The following ADGRL3 variants were observed in gnomAD, a reference collection of about 807,000 sequenced individuals.
ADGRL3 encodes the protein calcium-independent alpha-latrotoxin receptor 3.
ADGRL3 carries 62 observed loss-of-function variants against 153.5 expected under a neutral mutation model. That is an observed-to-expected ratio of 0.40 (90% CI 0.33 to 0.50). The LOEUF is 0.50. Ranked by LOEUF, ADGRL3 falls within the 20% of genes least tolerant of loss-of-function variation. ADGRL3 has a pLI of 0.47. For missense variants in ADGRL3, 1,641 were observed against 1,859.4 expected (o/e 0.88, Z 2.16); for synonymous variants, 710 against 672.5 (o/e 1.06, Z -0.86).
At chr4:61,383,807 AT>A (rs1278231012) in intron 2 of ADGRL3, among the ~76,000 whole-genome samples, 1 of 151,836 alleles carries the variant, frequency 6.6e-6, no homozygotes, top group African/African-American at 2.4e-5. Flanking sequence ...CAATATCCAT[AT>A]TTACATCTTC....
At chr4:61,682,298 G>A (rs968078211) in intron 6 of ADGRL3, among the ~76,000 whole-genome samples, 51 of 151,756 alleles carry the variant, frequency 3.4e-4, no homozygotes, top group African/African-American at 1.2e-3. Flanking sequence ...TTTATAACAA[G>A]AGCAACAAAA....
intron 9 of ADGRL3, among the ~76,000 whole-genome samples, chr4:61,890,231 T>G (rs923739924): frequency 6.6e-6 from 1 of 152,154 alleles, no homozygotes; most frequent in African/African-American, 2.4e-5. Context: ...AAATTAAAAG[T>G]TGCTCAAAAC....
intron 21 of ADGRL3, among the ~76,000 whole-genome samples, chr4:62,016,933 C>CT (rs1023953125): frequency 2.6e-5 from 4 of 151,718 alleles, no homozygotes; most frequent in Non-Finnish European, 4.4e-5. Flanking sequence ...TATATAGATT[C>CT]TTTTTGTTTT....
At position 61,406,186 on chromosome 4, in the gene ADGRL3, TA is replaced by T. The variant is rs545784413; in HGVS notation, c.-174+23008del. ...TAAAGATAGATGAGAAAACTGAGGATAAAAAAAAAAATTGTGGAATATCACA... is the reference window on the plus strand; with the variant it reads ...TAAAGATAGATGAGAAAACTGAGGATAAAAAAAAAATTGTGGAATATCACA... On this transcript the variant is annotated intron_variant, in intron 2 of 26. Coordinates refer to ENST00000683033, the MANE Select transcript of ADGRL3 (RefSeq NM_001387552.1). Among the ~76,000 whole-genome samples the T allele has an allele frequency of 6.7e-3, 979 of 145,704 alleles. 5 individuals carry two copies. The highest frequency in any genetic ancestry group is 8.7e-3 in the Non-Finnish European group (572 of 65,702).
At chr4:61,952,629 T>C (rs1297515317) in intron 17 of ADGRL3, among the ~76,000 whole-genome samples, 2 of 152,186 alleles carry the variant, frequency 1.3e-5, no homozygotes, top group Non-Finnish European at 2.9e-5. Context: ...AGTTTAAATT[T>C]TGATGTTCGA....
chr4:62,026,943 T>G (rs1718984694), intron 21 of ADGRL3, among the ~76,000 whole-genome samples: 1 of 152,066 alleles, frequency 6.6e-6, no homozygotes. Flanking sequence ...CATAATGAAA[T>G]GTATTTAAAA....
chr4:61,892,576 C>G, intron 9 of ADGRL3, 80 bp from the exon 10 acceptor site: 6 of 1,018,182 alleles, frequency 5.9e-6, no homozygotes, highest in Non-Finnish European at 9.0e-6. Flanking sequence ...CAAATAAAAA[C>G]AATTTCTAAA....
Position 61,520,682 on chromosome 4 carries a change from G to GTGTGTGTGTCTGTC in ADGRL3, c.259+3167_259+3168insGTGTGTCTGTCTGT, listed in dbSNP as rs763505931. On this transcript the variant is annotated intron_variant, in intron 4 of 26. Coordinates refer to ENST00000683033, the MANE Select transcript of ADGRL3 (RefSeq NM_001387552.1). ...TGTGTGTGTGTGTGTGTGTGTGTGT[G>GTGTGTGTGTCTGTC]TGTCTGTCTGTCTGTCTGTCTGAGG... Among the ~76,000 whole-genome samples, 6 of 123,580 alleles carry GTGTGTGTGTCTGTC rather than the reference G, an allele frequency of 4.9e-5. No homozygotes were observed. In the South Asian group the frequency reaches 1.0e-3, roughly 21 times the overall value. The allele number at this position is 123,580 out of a possible 152,430, so 81.1% of individuals were successfully genotyped here. A position where few individuals can be genotyped will look rare whatever the true frequency, so the allele number is the denominator to read the frequency against.
chr4:61,856,598 C>CTTTTTTT (rs1561366767), intron 9 of ADGRL3, among the ~76,000 whole-genome samples: 1 of 56,896 alleles, frequency 1.8e-5, no homozygotes, highest in African/African-American at 5.3e-5. Flanking sequence ...CTCTCTCTCT[C>CTTTTTTT]TCTCTCTTTT....
At chr4:61,612,937 G>C (rs557640425) in intron 5 of ADGRL3, among the ~76,000 whole-genome samples, 1 of 152,084 alleles carries the variant, frequency 6.6e-6, no homozygotes, top group Non-Finnish European at 1.5e-5. Flanking sequence ...GAGAGAAGAA[G>C]AAATCTTAGA....
intron 21 of ADGRL3, among the ~76,000 whole-genome samples, chr4:62,017,495 CTCTT>C (rs573261126): frequency 7.7e-4 from 115 of 150,276 alleles, no homozygotes; most frequent in Non-Finnish European, 1.4e-3. Flanking sequence ...TGATTTAACT[CTCTT>C]TACTGTCTGG....
Position 61,378,657 on chromosome 4 carries a change from A to C in ADGRL3, c.-239-4467A>C, listed in dbSNP as rs927592581. ...GCTGTTATGGAATTCTATTTGGAGTAGGGTGGTGTCAAAAAGTGGTGTTTG... is the reference window on the plus strand; with the variant it reads ...GCTGTTATGGAATTCTATTTGGAGTCGGGTGGTGTCAAAAAGTGGTGTTTG... On this transcript the variant is annotated intron_variant, in intron 1 of 26. Transcript: ENST00000683033. Among the ~76,000 whole-genome samples, 5 of 152,138 alleles carry C rather than the reference A, an allele frequency of 3.3e-5. No individual in the cohort carries two copies. In the East Asian group the frequency reaches 5.8e-4, roughly 18 times the overall value.
intron 21 of ADGRL3, among the ~76,000 whole-genome samples, chr4:62,007,482 AT>A (rs1447665011): frequency 7.0e-6 from 1 of 142,198 alleles, no homozygotes; most frequent in Non-Finnish European, 1.5e-5. Context: ...ATATATATAT[AT>A]ATGTATATAT....
intron 5 of ADGRL3, among the ~76,000 whole-genome samples, chr4:61,650,621 T>C (rs1239958630): frequency 6.6e-6 from 1 of 152,094 alleles, no homozygotes. Context: ...TGGGTTCTTT[T>C]CCTTTCTTTT....
At chr4:61,949,656 G>A (rs28700127) in intron 17 of ADGRL3, among the ~76,000 whole-genome samples, 2,955 of 151,940 alleles carry the variant, frequency 0.019, 115 homozygotes, top group African/African-American at 0.069. Flanking sequence ...GATCGCACCA[G>A]TGCACTCCAG....
intron 9 of ADGRL3, among the ~76,000 whole-genome samples, chr4:61,826,047 G>A (rs1417144356): frequency 2.0e-5 from 3 of 152,046 alleles, no homozygotes; most frequent in Admixed American, 6.6e-5. Context: ...TTGATGTGAC[G>A]GTACAATAGT....
chr4:61,296,633 A>G (rs549659353), intron 1 of ADGRL3, among the ~76,000 whole-genome samples: 1 of 152,308 alleles, frequency 6.6e-6, no homozygotes, highest in South Asian at 2.1e-4. Flanking sequence ...AGATTACTTC[A>G]TGTCAAAACA....
intron 5 of ADGRL3, among the ~76,000 whole-genome samples, chr4:61,617,952 G>T (rs1391323): frequency 0.99 from 151,519 of 152,322 alleles, 75,365 homozygotes; most frequent in Middle Eastern, 1. Context: ...AGGTTGGATA[G>T]CTACTGTTTG....
intron 3 of ADGRL3, among the ~76,000 whole-genome samples, chr4:61,500,725 T>C (rs1476275036): frequency 6.6e-6 from 1 of 152,220 alleles, no homozygotes; most frequent in Admixed American, 6.5e-5. Flanking sequence ...CTACTGATTT[T>C]ATAGCCATAA....
Sources: allele counts gnomAD v4.1 joint callset (sites outside exome capture counted in the v4.1 genomes callset), GRCh38; gene constraint gnomAD v4.1.1; transcripts MANE v1.5; gene names NCBI Gene and HGNC (gene_info 2026-07-23, HGNC 2026-07-21).